Variants in URB2 observed in about 807,000 individuals in gnomAD.
The protein encoded by URB2 is unhealthy ribosome biogenesis protein 2 homolog.
Under a neutral mutation model 120.9 loss-of-function variants are expected in URB2, and 86 were observed. The ratio of observed to expected loss-of-function variants is 0.71; its 90% CI spans 0.60 to 0.85. The LOEUF (loss-of-function observed/expected upper bound fraction) is 0.85, where lower values mean the gene tolerates loss of function less well. Ranked by LOEUF, URB2 falls within the 40% of genes least tolerant of loss-of-function variation. URB2 has a pLI of 0.00. For synonymous variants in URB2, 755 were observed against 758.4 expected (o/e 1.00, Z 0.07); for missense variants, 1,765 against 1,836.5 (o/e 0.96, Z 0.71).
intron 4 of URB2, among the ~76,000 whole-genome samples, chr1:229,640,862 G>A (rs914740692): frequency 5.3e-5 from 8 of 150,788 alleles, no homozygotes; most frequent in African/African-American, 2.0e-4. Context: ...CTAAAATAGA[G>A]TCTTTTATTA....
chr1:229,657,704 G>A (rs111835138), intron 9 of URB2, among the ~76,000 whole-genome samples: 11 of 152,104 alleles, frequency 7.2e-5, no homozygotes, highest in Admixed American at 2.6e-4. Context: ...GTCCTTGAGT[G>A]TTGCTATCAT....
At chr1:229,657,409 C>T (rs916708484) in intron 9 of URB2, among the ~76,000 whole-genome samples, 7 of 152,198 alleles carry the variant, frequency 4.6e-5, no homozygotes, top group Non-Finnish European at 1.0e-4. Flanking sequence ...GGGCTCTGGG[C>T]TCAGACTGCC....
intron 8 of URB2, among the ~76,000 whole-genome samples, chr1:229,652,904 C>T (rs914383354): frequency 2.0e-5 from 3 of 152,228 alleles, no homozygotes; most frequent in South Asian, 2.1e-4. Context: ...AAGGTAGCTT[C>T]GTCATCTTAT....
In URB2 at chr1:229,636,144, C is replaced by G; in HGVS notation, c.1531C>G (p.Leu511Val). 6.2e-7 allele frequency: 1 copy of G among 1,614,266 alleles called. No homozygotes were observed. Among genetic ancestry groups the G allele is most frequent in the East Asian group, 2.2e-5 (1 of 44,890 alleles). Residue 511 changes from leucine (L) to valine (V), a missense_variant, in exon 4 of 10, where the codon CTG becomes GTG. By Grantham distance (32) the Leu-to-Val change is conservative. Transcript: ENST00000258243. ...CCTGGAGCTGCCTCCAAGTCAGATC[C>G]TGGACACGTGGTCCCTTGTGCTGGA... is the stretch of plus-strand genomic sequence containing the variant. ...CLLELPPSQI[L>V]DTWSLVLEKF...
Position 229,659,377 on chromosome 1 carries a change from A to T in URB2, c.*80A>T, listed in dbSNP as rs1571887233. On this transcript the variant is annotated 3_prime_UTR_variant, in exon 10 of 10. Coordinates refer to ENST00000258243, the MANE Select transcript of URB2 (RefSeq NM_014777.4). ...GTCTGAAAGAGCTGGAGAATGAAAG[A>T]CTTAAGATGTTCTAATTCGTAGTAT... The T allele has an allele frequency of 4.8e-6, 7 of 1,446,198 alleles. No homozygotes were observed. In the East Asian group the frequency reaches 1.6e-4, roughly 33 times the overall value. The allele number at this position is 1,446,198 out of a possible 1,614,324, so 89.6% of individuals were successfully genotyped here.
intron 9 of URB2, among the ~76,000 whole-genome samples, chr1:229,657,635 T>G (rs1666436434): frequency 6.6e-6 from 1 of 152,216 alleles, no homozygotes. Flanking sequence ...TGTTTTGTTT[T>G]TTTCTTTCCC....
chr1:229,648,788 T>TA lies in URB2; in HGVS notation c.4149+1037dup, dbSNP rs1666207682. Among the ~76,000 whole-genome samples the TA allele has an allele frequency of 2.0e-5, 3 of 152,230 alleles. No homozygotes were observed. The South Asian group carries it at 6.2e-4, about 32-fold the overall frequency. ...GACTATGTATGTAGGAACTCATAGA[T>TA]ACGACGGTTAATGCATCGCTTAATG... On this transcript the variant is annotated intron_variant, in intron 7 of 9. Transcript: ENST00000258243.
chr1:229,655,763 C>T (rs553907272), intron 9 of URB2, among the ~76,000 whole-genome samples: 3 of 152,276 alleles, frequency 2.0e-5, no homozygotes, highest in Middle Eastern at 3.4e-3. Context: ...CTGTAAAATA[C>T]CCATTTCCCC....
chr1:229,636,689 G>T lies in URB2; in HGVS notation c.2076G>T (p.Arg692=). Residue 692 remains arginine, a synonymous_variant, in exon 4 of 10, where the codon CGG becomes CGT. Coordinates refer to ENST00000258243, the MANE Select transcript of URB2 (RefSeq NM_014777.4). ...GGACTTTAATGCAAACTAGTTTCCG[G>T]TCTGAAGGAGCCATCCAAAGTTTGA... ...MKRTLMQTSF[R]SEGAIQSLRC... 6.2e-7 allele frequency: 1 copy of T among 1,614,180 alleles called. No homozygotes were observed. Among genetic ancestry groups the T allele is most frequent in the Non-Finnish European group, 8.5e-7 (1 of 1,180,028 alleles).
At chr1:229,647,373 T>G (rs542451887) in intron 6 of URB2, 137 bp from the exon 7 acceptor site, 12 of 1,040,376 alleles carry the variant, frequency 1.2e-5, no homozygotes, top group Non-Finnish European at 1.6e-5. Context: ...TAGCAAATAG[T>G]ATTTAACGGC....
At chr1:229,650,647 T>G (rs1316781821) in intron 7 of URB2, among the ~76,000 whole-genome samples, 1 of 152,066 alleles carries the variant, frequency 6.6e-6, no homozygotes, top group Non-Finnish European at 1.5e-5. Context: ...GCCAGGCTGG[T>G]CTCCAACTCC....
chr1:229,628,928 A>C (rs1446697941), intron 2 of URB2, among the ~76,000 whole-genome samples: 1 of 152,218 alleles, frequency 6.6e-6, no homozygotes, highest in Admixed American at 6.5e-5. Flanking sequence ...TGCTTTCTAC[A>C]CCTGGCTGCA....
intron 8 of URB2, among the ~76,000 whole-genome samples, chr1:229,652,971 A>G (rs1183010193): frequency 1.3e-5 from 2 of 152,214 alleles, no homozygotes; most frequent in Admixed American, 1.3e-4. Context: ...AGTTTTAACT[A>G]TTTTATTATC....
chr1:229,643,525 C>A lies in URB2; in HGVS notation c.3635-8C>A. Reference sequence around the variant, plus strand: ...CATCTTAACAATTTTGGTTTCTTTCCCACACAGATCCTGAAATTCCTGTTC... The same window carrying A: ...CATCTTAACAATTTTGGTTTCTTTCACACACAGATCCTGAAATTCCTGTTC... On this transcript the variant is annotated splice_polypyrimidine_tract_variant and splice_region_variant and intron_variant, in intron 4 of 9. Transcript: ENST00000258243. The A allele has an allele frequency of 1.2e-6, 2 of 1,614,014 alleles. No homozygotes were observed. The highest frequency in any genetic ancestry group is 1.7e-6 in the Non-Finnish European group (2 of 1,179,992).
intron 5 of URB2, among the ~76,000 whole-genome samples, chr1:229,645,658 C>G (rs762282071): frequency 2.0e-5 from 3 of 152,172 alleles, no homozygotes; most frequent in Non-Finnish European, 4.4e-5. Context: ...ATCTTCTTCA[C>G]TTCCTTCCTG....
At chr1:229,633,183 G>A (rs1665713635) in intron 3 of URB2, among the ~76,000 whole-genome samples, 1 of 152,084 alleles carries the variant, frequency 6.6e-6, no homozygotes, top group East Asian at 1.9e-4. Context: ...AAAATCGTTA[G>A]AGGCTAGTAA....
intron 3 of URB2, among the ~76,000 whole-genome samples, chr1:229,634,406 C>T (rs1223850083): frequency 1.3e-5 from 2 of 151,394 alleles, no homozygotes; most frequent in South Asian, 2.1e-4. Flanking sequence ...GGTTTCACCA[C>T]GTTGGCCAGG....
rs12082566 is a variant in URB2 at position 229,646,911 on chromosome 1, A to G, written c.3907-599A>G. On this transcript the variant is annotated intron_variant, in intron 6 of 9. Coordinates refer to ENST00000258243, the MANE Select transcript of URB2 (RefSeq NM_014777.4). Reference sequence around the variant, plus strand: ...CCTGGGGCAAAAGGGTCTAAAAAACAGACTTAATATTCTCTCTTGTTTCCA... The same window carrying G: ...CCTGGGGCAAAAGGGTCTAAAAAACGGACTTAATATTCTCTCTTGTTTCCA... 8.3e-3 allele frequency among the ~76,000 whole-genome samples: 1,268 copies of G among 152,292 alleles called. 19 individuals are homozygous for G. The highest frequency in any genetic ancestry group is 0.029 in the African/African-American group (1,199 of 41,548).
intron 3 of URB2, among the ~76,000 whole-genome samples, chr1:229,633,100 C>G (rs1665711960): frequency 6.6e-6 from 1 of 152,262 alleles, no homozygotes; most frequent in African/African-American, 2.4e-5. Flanking sequence ...TTGAACCTCA[C>G]TCTGCCTGAG....
Sources: gnomAD v4.1 joint callset for allele counts (sites outside exome capture counted in the v4.1 genomes callset) on GRCh38, gnomAD v4.1.1 for gene constraint, MANE v1.5 for transcripts, NCBI Gene and HGNC (gene_info 2026-07-23, HGNC 2026-07-21) for gene names.